Variants in MON2 observed in about 807,000 individuals in gnomAD.
The protein encoded by MON2 is protein MON2 homolog.
In MON2, 84 loss-of-function variants were observed where a neutral mutation model predicts 208.6. The ratio of observed to expected loss-of-function variants is 0.40; its 90% CI spans 0.34 to 0.48. The LOEUF (loss-of-function observed/expected upper bound fraction) is 0.48. MON2 is among the 20% of genes least tolerant of loss of function. The pLI, the probability that MON2 is intolerant of heterozygous loss-of-function variation, is 0.59. For synonymous variants in MON2, 660 were observed against 694.0 expected (o/e 0.95, Z 0.77); for missense variants, 1,611 against 2,015.4 (o/e 0.80, Z 3.84).
chr12:62,478,559 C>A (rs2069220085), intron 1 of MON2, among the ~76,000 whole-genome samples: 2 of 152,108 alleles, frequency 1.3e-5, no homozygotes, highest in South Asian at 4.1e-4. Context: ...TAAATTAGTA[C>A]AATTTGGGTT....
At position 62,466,939 on chromosome 12, in the gene MON2, C is replaced by T. The variant is rs1458406482; in HGVS notation, c.-269C>T. The T allele has an allele frequency of 7.9e-6, 4 of 507,658 alleles. No individual in the cohort carries two copies. Among genetic ancestry groups the T allele is most frequent in the Non-Finnish European group, 1.4e-5 (4 of 287,064 alleles). The allele number at this position is 507,658 out of a possible 1,614,324, so 31.4% of individuals were successfully genotyped here. On this transcript the variant is annotated 5_prime_UTR_variant, in exon 1 of 35. Coordinates refer to ENST00000393630, the MANE Select transcript of MON2 (RefSeq NM_015026.3). The stretch of plus-strand genomic sequence containing the variant: ...GCTGGGCCCCGCGGCAGCGGAGGGA[C>T]CTGCCCGCCTTGTGGGTTTCTCGGC...
intron 19 of MON2, among the ~76,000 whole-genome samples, chr12:62,542,270 T>C (rs1044377517): frequency 2.6e-5 from 4 of 152,220 alleles, no homozygotes; most frequent in Admixed American, 6.5e-5. Flanking sequence ...CCCTGTTAGA[T>C]TTTTATTAGC....
intron 2 of MON2, among the ~76,000 whole-genome samples, chr12:62,489,782 T>A (rs1228985037): frequency 1.3e-5 from 2 of 152,154 alleles, no homozygotes; most frequent in Non-Finnish European, 2.9e-5. Flanking sequence ...GTCCTCATTC[T>A]TGAATCATTT....
At chr12:62,578,867 G>A (rs2074891745) in intron 31 of MON2, among the ~76,000 whole-genome samples, 1 of 152,140 alleles carries the variant, frequency 6.6e-6, no homozygotes, top group Non-Finnish European at 1.5e-5. Context: ...TCAGAAAGTT[G>A]CTTGAATTTT....
At chr12:62,499,167 A>T in intron 5 of MON2, 119 bp downstream of exon 5, 1 of 1,052,492 alleles carries the variant, frequency 9.5e-7, no homozygotes, top group Non-Finnish European at 1.3e-6. Flanking sequence ...AACTTAAAAA[A>T]TAAATTCCTC....
intron 28 of MON2, 95 bp downstream of exon 28, chr12:62,566,126 A>G: frequency 7.1e-7 from 1 of 1,409,086 alleles, no homozygotes; most frequent in Non-Finnish European, 9.8e-7. Flanking sequence ...TGCTTTTTCC[A>G]ATAGTTTTAA....
At chr12:62,582,338 C>T (rs2075033976) in intron 32 of MON2, among the ~76,000 whole-genome samples, 1 of 152,144 alleles carries the variant, frequency 6.6e-6, no homozygotes, top group South Asian at 2.1e-4. Flanking sequence ...TGCCATATGA[C>T]ACATGTCTTC....
intron 7 of MON2, 53 bp downstream of exon 7, chr12:62,501,751 TA>T: frequency 6.3e-7 from 1 of 1,598,470 alleles, no homozygotes. Flanking sequence ...GTTTTACAGA[TA>T]TTTTTAAAGA....
At chr12:62,580,832 T>C (rs2136456499) in intron 32 of MON2, among the ~76,000 whole-genome samples, 1 of 152,310 alleles carries the variant, frequency 6.6e-6, no homozygotes, top group South Asian at 2.1e-4. Context: ...TTCTGCCACT[T>C]AGCAGTCAAT....
At chr12:62,581,820 A>G (rs1350920629) in intron 32 of MON2, among the ~76,000 whole-genome samples, 1 of 152,186 alleles carries the variant, frequency 6.6e-6, no homozygotes, top group African/African-American at 2.4e-5. Flanking sequence ...ACAGAGCGAG[A>G]CTGTCTCAAA....
chr12:62,552,916 A>T lies in MON2; in HGVS notation c.2952A>T (p.Glu984Asp), dbSNP rs200753362. 4 of 1,613,920 alleles carry T rather than the reference A, an allele frequency of 2.5e-6. No homozygotes were observed. In the East Asian group the frequency reaches 8.9e-5, roughly 36 times the overall value. ...NISDYFFQRG[E>D]TIEKELNKEE... ...CAGATTATTTTTTCCAAAGAGGGGAAACTATTGAAAAAGAACTAAATAAGG... is the reference window on the plus strand; with the variant it reads ...CAGATTATTTTTTCCAAAGAGGGGATACTATTGAAAAAGAACTAAATAAGG... The change falls in exon 24 of 35, where the codon GAA (glutamate) becomes GAT (aspartate). Residue 984 changes from glutamate to aspartate, a missense_variant. By Grantham distance (45) the Glu-to-Asp change is conservative (BLOSUM62 2). Coordinates refer to ENST00000393630, the MANE Select transcript of MON2 (RefSeq NM_015026.3).
chr12:62,534,465 G>A (rs190105293), intron 12 of MON2, among the ~76,000 whole-genome samples: 554 of 136,454 alleles, frequency 4.1e-3, no homozygotes, highest in African/African-American at 0.014. Flanking sequence ...GTTGCAGTGA[G>A]CCAAGATCAT....
intron 26 of MON2, among the ~76,000 whole-genome samples, chr12:62,561,498 G>C (rs900631596): frequency 6.6e-6 from 1 of 151,910 alleles, no homozygotes; most frequent in Non-Finnish European, 1.5e-5. Context: ...CTTAAATTTA[G>C]TTCTGAAATT....
chr12:62,538,129 A>G lies in MON2; in HGVS notation c.2152A>G (p.Ser718Gly), dbSNP rs761706053. The G allele has an allele frequency of 6.2e-6, 10 of 1,613,810 alleles. No homozygotes were observed. Among genetic ancestry groups the G allele is most frequent in the Non-Finnish European group, 7.6e-6 (9 of 1,179,842 alleles). ...GTGGATTCTGGGATTAAAGCCTAGT[A>G]GTGGCGGTGCCTTGAAACCTGGGAG... ...LVWILGLKPS[S>G]GGALKPGRAV... The change falls in exon 17 of 35, where the codon AGT (serine) becomes GGT (glycine). Residue 718 changes from serine to glycine, a missense_variant. Transcript: ENST00000393630.
chr12:62,542,908 A>T (rs1357735944), intron 19 of MON2, among the ~76,000 whole-genome samples, 189 bp from the exon 20 acceptor site: 1 of 152,096 alleles, frequency 6.6e-6, no homozygotes, highest in Non-Finnish European at 1.5e-5. Context: ...ATTAGGAGCT[A>T]TTTTGGATAC....
chr12:62,584,426 G>A (rs1240421435), intron 32 of MON2, among the ~76,000 whole-genome samples: 1 of 152,122 alleles, frequency 6.6e-6, no homozygotes, highest in Non-Finnish European at 1.5e-5. Context: ...GCATGAGGCT[G>A]GGTGCCATGG....
intron 8 of MON2, among the ~76,000 whole-genome samples, chr12:62,517,683 A>G (rs2071776762): frequency 6.6e-6 from 1 of 152,192 alleles, no homozygotes; most frequent in Admixed American, 6.5e-5. Flanking sequence ...GAACACGCTA[A>G]CATCTCTATC....
At chr12:62,519,925 C>T (rs2071923189) in intron 8 of MON2, among the ~76,000 whole-genome samples, 2 of 152,280 alleles carry the variant, frequency 1.3e-5, no homozygotes, top group African/African-American at 4.8e-5. Flanking sequence ...ATGCCATTCT[C>T]CTGCCTCAGC....
chr12:62,539,934 G>A (rs1256644873), intron 19 of MON2, among the ~76,000 whole-genome samples: 8 of 151,784 alleles, frequency 5.3e-5, no homozygotes, highest in Middle Eastern at 3.2e-3. Flanking sequence ...GTGCCACTGC[G>A]CTCCAGCCTG....
Sources: gnomAD v4.1 joint callset for allele counts (sites outside exome capture counted in the v4.1 genomes callset) on GRCh38, gnomAD v4.1.1 for gene constraint, MANE v1.5 for transcripts, NCBI Gene and HGNC (gene_info 2026-07-23, HGNC 2026-07-21) for gene names.